ADAMTS3: variants seen among roughly 807,000 people sequenced by gnomAD.
ADAMTS3 encodes A disintegrin and metalloproteinase with thrombospondin motifs 3.
In ADAMTS3, 73 loss-of-function variants were observed where a neutral mutation model predicts 129.0. The ratio of observed to expected loss-of-function variants is 0.57; its 90% CI spans 0.47 to 0.69. The LOEUF (loss-of-function observed/expected upper bound fraction) is 0.69. ADAMTS3 is among the 30% of genes least tolerant of loss of function. The pLI is 0.00. For synonymous variants in ADAMTS3, 477 were observed against 510.8 expected, an observed-to-expected ratio of 0.93 and a Z score of 0.89; for missense variants, 1,457 against 1,514.5, an observed-to-expected ratio of 0.96 and a Z score of 0.63.
intron 3 of ADAMTS3, among the ~76,000 whole-genome samples, chr4:72,521,663 A>G (rs1002958347): frequency 2.0e-5 from 3 of 152,154 alleles, no homozygotes; most frequent in Non-Finnish European, 2.9e-5. Flanking sequence ...ATTATATTAT[A>G]CATAAAAGTA....
Position 72,440,424 on chromosome 4 carries a change from A to G in ADAMTS3, c.505-25453T>C, listed in dbSNP as rs1578681495. Among the ~76,000 whole-genome samples, 4 of 151,794 alleles carry G rather than the reference A, an allele frequency of 2.6e-5. 1 individual carries two copies. In the Admixed American group the frequency reaches 2.6e-4, roughly 10 times the overall value. ...GCCAGTAAAGTTGTTGCATAGGGGA[A>G]AAAAATCATTTCCTTGTTTAAAAAC... On this transcript the variant is annotated intron_variant, in intron 3 of 21. Transcript: ENST00000286657.
chr4:72,554,625 T>C (rs1292469806), intron 2 of ADAMTS3, among the ~76,000 whole-genome samples: 3 of 151,926 alleles, frequency 2.0e-5, no homozygotes, highest in Non-Finnish European at 4.4e-5. Flanking sequence ...TTCCCCCATA[T>C]GACATCATTC....
intron 15 of ADAMTS3, among the ~76,000 whole-genome samples, chr4:72,307,169 T>A (rs567895109): frequency 6.6e-6 from 1 of 152,132 alleles, no homozygotes; most frequent in South Asian, 2.1e-4. Flanking sequence ...TATAATAATA[T>A]ACACCTATGA....
At chr4:72,333,973 C>A (rs542364560) in intron 5 of ADAMTS3, among the ~76,000 whole-genome samples, 2 of 151,018 alleles carry the variant, frequency 1.3e-5, no homozygotes, top group Admixed American at 1.3e-4. Context: ...CCTGCCTCAG[C>A]CTCCTGAGTA....
At chr4:72,403,529 A>G (rs146672552) in intron 4 of ADAMTS3, among the ~76,000 whole-genome samples, 125 of 152,156 alleles carry the variant, frequency 8.2e-4, no homozygotes, top group African/African-American at 2.9e-3. Flanking sequence ...CAGAAAACTG[A>G]AAATTCCAAG....
At chr4:72,520,822 G>A (rs183737030) in intron 3 of ADAMTS3, among the ~76,000 whole-genome samples, 4 of 152,052 alleles carry the variant, frequency 2.6e-5, no homozygotes, top group Non-Finnish European at 4.4e-5. Context: ...CCCTTGCTTC[G>A]GCTCGCGCAT....
chr4:72,299,798 T>C (rs137920422), intron 17 of ADAMTS3, among the ~76,000 whole-genome samples: 43 of 152,290 alleles, frequency 2.8e-4, no homozygotes, highest in African/African-American at 9.6e-4. Context: ...CTGGTTTTTA[T>C]TGGAACTGTA....
chr4:72,523,446 A>C (rs1720726908), intron 3 of ADAMTS3, among the ~76,000 whole-genome samples: 2 of 152,212 alleles, frequency 1.3e-5, no homozygotes, highest in African/African-American at 4.8e-5. Context: ...TAAACCAAAC[A>C]GTATAACTGT....
At chr4:72,502,795 T>A (rs1085949) in intron 3 of ADAMTS3, among the ~76,000 whole-genome samples, 150,847 of 152,128 alleles carry the variant, frequency 0.99, 74,802 homozygotes, top group Middle Eastern at 1. Context: ...AGGTATACAC[T>A]TGCCATTGAG....
chr4:72,488,789 G>A (rs552896418), intron 3 of ADAMTS3, among the ~76,000 whole-genome samples: 22 of 151,080 alleles, frequency 1.5e-4, no homozygotes, highest in East Asian at 3.9e-4. Context: ...CTTTATTTTC[G>A]TGGTGAGAAC....
chr4:72,336,367 T>C (rs1293984710), intron 5 of ADAMTS3, among the ~76,000 whole-genome samples: 1 of 152,200 alleles, frequency 6.6e-6, no homozygotes, highest in Non-Finnish European at 1.5e-5. Context: ...TGAGAAATCA[T>C]AAAGCATGGC....
At chr4:72,511,986 T>C (rs901998086) in intron 3 of ADAMTS3, among the ~76,000 whole-genome samples, 4 of 152,148 alleles carry the variant, frequency 2.6e-5, no homozygotes, top group African/African-American at 4.8e-5. Flanking sequence ...CTGGAGATCA[T>C]TATGTTAAGT....
intron 3 of ADAMTS3, among the ~76,000 whole-genome samples, chr4:72,449,786 T>C (rs1718346191): frequency 6.6e-6 from 1 of 151,738 alleles, no homozygotes; most frequent in Non-Finnish European, 1.5e-5. Flanking sequence ...CCCACTCCAT[T>C]GCTCACTCAC....
intron 4 of ADAMTS3, among the ~76,000 whole-genome samples, chr4:72,343,969 A>G (rs1325584991): frequency 6.6e-6 from 1 of 152,108 alleles, no homozygotes; most frequent in Non-Finnish European, 1.5e-5. Flanking sequence ...GCATTAATTA[A>G]TATTTTGGAA....
At chr4:72,374,433 A>T (rs1402389663) in intron 4 of ADAMTS3, among the ~76,000 whole-genome samples, 1 of 152,174 alleles carries the variant, frequency 6.6e-6, no homozygotes, top group Non-Finnish European at 1.5e-5. Context: ...CTCTTTCAGG[A>T]CTGTACTCGA....
rs1475405285 is a variant in ADAMTS3 at position 72,295,645 on chromosome 4, G to C, written c.2723+9C>G. 6 of 1,603,436 alleles carry C rather than the reference G, an allele frequency of 3.7e-6. No individual in the cohort carries two copies. Among genetic ancestry groups the C allele is most frequent in the Non-Finnish European group, 5.1e-6 (6 of 1,174,844 alleles). On this transcript the variant is annotated intron_variant, in intron 19 of 21. Coordinates refer to ENST00000286657, the MANE Select transcript of ADAMTS3 (RefSeq NM_014243.3). ...ACCTCCAGATATGATAGTTAAAATA[G>C]ATGCTTACAGTGGATGTGTACACTC...
chr4:72,282,702 A>AGAT lies in ADAMTS3; in HGVS notation c.*431_*433dup, dbSNP rs1305518944. On this transcript the variant is annotated 3_prime_UTR_variant, in exon 22 of 22. Transcript: ENST00000286657. ...TTTGCTCATACAATATTTCTAATAT[A>AGAT]GATAAATAGGAATACAAGTCTAAGA... The AGAT allele has an allele frequency of 6.5e-6, 1 of 154,646 alleles. No individual in the cohort carries two copies. The highest frequency in any genetic ancestry group is 6.4e-5 in the Admixed American group (1 of 15,516). The allele number at this position is 154,646 out of a possible 1,614,324, so 9.6% of individuals were successfully genotyped here.
At chr4:72,354,275 C>T (rs1290436464) in intron 4 of ADAMTS3, among the ~76,000 whole-genome samples, 2 of 152,096 alleles carry the variant, frequency 1.3e-5, no homozygotes, top group South Asian at 4.1e-4. Context: ...CTCCCAACCC[C>T]TCTCCAGTCT....
At chr4:72,519,455 C>T (rs1222254594) in intron 3 of ADAMTS3, among the ~76,000 whole-genome samples, 3 of 151,742 alleles carry the variant, frequency 2.0e-5, no homozygotes, top group African/African-American at 7.3e-5. Flanking sequence ...TTCCATTCTC[C>T]CCATCACTTT....
Sources: allele counts gnomAD v4.1 joint callset (sites outside exome capture counted in the v4.1 genomes callset), GRCh38; gene constraint gnomAD v4.1.1; transcripts MANE v1.5; gene names NCBI Gene and HGNC (gene_info 2026-07-23, HGNC 2026-07-21).